The following CDC20B variants were observed in gnomAD, a reference collection of about 807,000 sequenced individuals.
CDC20B encodes the protein cell division cycle protein 20 homolog B.
A neutral mutation model predicts 64.1 loss-of-function variants in CDC20B; 58 were observed. The observed-to-expected ratio is 0.90, with a 90% CI of 0.73 to 1.13. The LOEUF is 1.13. Among genes scored for constraint, CDC20B ranks in the 50% most tolerant of loss-of-function variants. The pLI, the probability that CDC20B is intolerant of heterozygous loss-of-function variation, is 0.00. For missense variants in CDC20B, 597 were observed against 633.0 expected (o/e 0.94, Z 0.61); for synonymous variants, 243 against 230.6 (o/e 1.05, Z -0.49).
chr5:55,160,339 C>A, intron 2 of CDC20B: 1 of 1,613,676 alleles, frequency 6.2e-7, no homozygotes, highest in South Asian at 1.1e-5. Flanking sequence ...GCTTTTATGC[C>A]TTTGAAGTGA....
At chr5:55,165,338 G>C (rs1744324903) in intron 2 of CDC20B, 1 of 152,124 alleles carries the variant, frequency 6.6e-6, no homozygotes, top group African/African-American at 2.4e-5. Context: ...AGTTGGTGAA[G>C]GTTAATTATT....
rs1020614114 is a variant in CDC20B at position 55,172,702 on chromosome 5, A to G, written c.64-52T>C. 4 of 1,413,490 alleles carry G rather than the reference A, an allele frequency of 2.8e-6. No individual in the cohort carries two copies. In the African/African-American group the frequency reaches 5.7e-5, roughly 20 times the overall value. The allele number at this position is 1,413,490 out of a possible 1,614,324, so 87.6% of individuals were successfully genotyped here. A position where few individuals can be genotyped will look rare whatever the true frequency, so the allele number is the denominator to read the frequency against. ...GGGAGAAACTATTTAGGAAAATCAT[A>G]ATTTCAGGTGTGGAATTTTTCTAGA... is the stretch of plus-strand genomic sequence containing the variant. On this transcript the variant is annotated intron_variant, in intron 1 of 11. Coordinates refer to ENST00000381375, the MANE Select transcript of CDC20B (RefSeq NM_001170402.1).
At chr5:55,136,798 T>C (rs1743187313) in intron 5 of CDC20B, 1 of 152,068 alleles carries the variant, frequency 6.6e-6, no homozygotes, top group Non-Finnish European at 1.5e-5. Context: ...CCCAAACAAT[T>C]ATTTTCCAGC....
At chr5:55,117,900 A>C (rs1000079331) in intron 11 of CDC20B, among the ~76,000 whole-genome samples, 3 of 152,156 alleles carry the variant, frequency 2.0e-5, no homozygotes, top group Non-Finnish European at 4.4e-5. Flanking sequence ...GGATCACCTA[A>C]GGTCAGGAGT....
Position 55,172,982 on chromosome 5 carries a change from G to T in CDC20B, c.19C>A (p.Arg7Ser), listed in dbSNP as rs781108418. Residue 7 changes from arginine to serine, a missense_variant, in exon 1 of 12, where the codon CGC becomes AGC. Physicochemically the swap from Arg to Ser is moderately radical, Grantham distance 110. Coordinates refer to ENST00000381375, the MANE Select transcript of CDC20B (RefSeq NM_001170402.1). The stretch of plus-strand genomic sequence containing the variant: ...GTGCGGACCCTCCGAGGCGCGGTGC[G>T]CTCCAGTTTCCACTCCATCTCCGGC... MEWKLE[R>S]TAPRRVRTEE... 2 of 1,611,706 alleles carry T rather than the reference G, an allele frequency of 1.2e-6. No homozygotes were observed. The highest frequency in any genetic ancestry group is 2.2e-5 in the East Asian group (1 of 44,782).
At chr5:55,128,201 G>C (rs369497492) in intron 7 of CDC20B, among the ~76,000 whole-genome samples, 2 of 141,734 alleles carry the variant, frequency 1.4e-5, no homozygotes, top group African/African-American at 5.3e-5. Context: ...AAATATGACA[G>C]AAAGATTGTG....
chr5:55,120,593 G>A (rs760867018), intron 9 of CDC20B, 43 bp from the exon 10 acceptor site: 1 of 1,606,182 alleles, frequency 6.2e-7, no homozygotes, highest in Non-Finnish European at 8.5e-7. Flanking sequence ...CAGCTTCAAA[G>A]GAGGTGCACT....
chr5:55,129,570 A>C (rs1203938571), intron 6 of CDC20B, among the ~76,000 whole-genome samples: 2 of 152,228 alleles, frequency 1.3e-5, no homozygotes, highest in East Asian at 3.8e-4. Context: ...GGGAAAGCCA[A>C]AAGAAAGAGA....
At chr5:55,125,791 A>C (rs527766524) in intron 8 of CDC20B, among the ~76,000 whole-genome samples, 1 of 152,370 alleles carries the variant, frequency 6.6e-6, no homozygotes, top group East Asian at 1.9e-4. Flanking sequence ...TGCAATGCTG[A>C]ACAGCATTGT....
chr5:55,160,502 T>C, intron 2 of CDC20B: 1 of 789,956 alleles, frequency 1.3e-6, no homozygotes, highest in South Asian at 1.8e-5. Flanking sequence ...AGTTGGAATT[T>C]AGTCTTCAGA....
chr5:55,163,359 A>C (rs1744193216), intron 2 of CDC20B, among the ~76,000 whole-genome samples: 1 of 151,978 alleles, frequency 6.6e-6, no homozygotes, highest in South Asian at 2.1e-4. Context: ...CTGCCAAAAA[A>C]AAAGTTATTG....
rs115117963 is a variant in CDC20B at position 55,148,888 on chromosome 5, C to A, written c.127-2032G>T. 4.3e-3 allele frequency among the ~76,000 whole-genome samples: 655 copies of A among 152,206 alleles called. 4 individuals carry two copies. Among genetic ancestry groups the A allele is most frequent in the African/African-American group, 0.015 (620 of 41,500 alleles). On this transcript the variant is annotated intron_variant, in intron 2 of 11. Coordinates refer to ENST00000381375, the MANE Select transcript of CDC20B (RefSeq NM_001170402.1). The stretch of plus-strand genomic sequence containing the variant: ...CATTTTATCAGTGAAGAAACTGAGG[C>A]TTAGAGGTCAAGTGAATTGTCCAAG...
chr5:55,150,218 T>C (rs1030536251), intron 2 of CDC20B, among the ~76,000 whole-genome samples: 3 of 152,202 alleles, frequency 2.0e-5, no homozygotes, highest in African/African-American at 7.2e-5. Context: ...TTAAAAATGG[T>C]AACATAGGAT....
rs137978597 is a variant in CDC20B, at chr5:55,115,104, C to T, written c.1460-786G>A. On this transcript the variant is annotated intron_variant, in intron 11 of 11. Coordinates refer to ENST00000381375, the MANE Select transcript of CDC20B (RefSeq NM_001170402.1). ...GGGCCCCAGGTTTCAATAAACTAAT[C>T]AGATAAACTGAAGCAGCTTAATGAA... 2.2e-3 allele frequency among the ~76,000 whole-genome samples: 332 copies of T among 152,260 alleles called. 3 individuals are homozygous for T. The highest frequency in any genetic ancestry group is 7.6e-3 in the African/African-American group (314 of 41,550).
Position 55,172,638 on chromosome 5 carries a change from G to A in CDC20B, c.76C>T (p.Arg26Cys). Residue 26 changes from arginine to cysteine, a missense_variant, in exon 2 of 12, where the codon CGT becomes TGT. Transcript: ENST00000381375. ...TGCTTCAAGTCTTTGGAGAGCACAC[G>A]CATGATACTTTCCTTTGAAAACACA... is the stretch of plus-strand genomic sequence containing the variant. ...EEEMLWESIM[R>C]VLSKDLKQKR... 1.2e-6 allele frequency: 2 copies of A among 1,611,194 alleles called. No homozygotes were observed. Among genetic ancestry groups the A allele is most frequent in the Admixed American group, 1.7e-5 (1 of 59,998 alleles).
intron 2 of CDC20B, among the ~76,000 whole-genome samples, chr5:55,162,327 A>G (rs1462648060): frequency 1.3e-5 from 2 of 152,178 alleles, no homozygotes; most frequent in Non-Finnish European, 2.9e-5. Flanking sequence ...ACCCAGAGGC[A>G]GAGGTTGCAG....
intron 5 of CDC20B, chr5:55,137,391 A>G (rs1743209274): frequency 2.8e-6 from 1 of 360,878 alleles, no homozygotes; most frequent in Non-Finnish European, 5.5e-6. Context: ...GTAAGGTTTC[A>G]GAGTCATTAG....
In CDC20B at chr5:55,172,589, T is replaced by A. The variant is rs1349761179; in HGVS notation, c.125A>T (p.Asn42Ile). The part of the protein sequence containing the change: ...LKQKRSQDSA[N>I]VLDSVNATYS... ...AACAAGAACAAGCCCTGGACTCACG[T>A]TGGCGGAATCTTGACTTCTCTTCTG... The change falls in exon 2 of 12, where the codon AAC becomes ATC. Residue 42 changes from asparagine to isoleucine, a missense_variant and splice_region_variant. Asn to Ile is a moderately radical substitution (Grantham distance 149). Around this residue, in one of 3 missense-constraint regions of CDC20B, gnomAD observed 241 missense variants for 219.2 expected, o/e 1.10. Transcript: ENST00000381375. 2 of 1,611,592 alleles carry A rather than the reference T, an allele frequency of 1.2e-6. No individual in the cohort carries two copies. The highest frequency in any genetic ancestry group is 1.7e-6 in the Non-Finnish European group (2 of 1,177,746).
chr5:55,114,596 A>G lies in CDC20B; in HGVS notation c.1460-278T>C, dbSNP rs916397491. 2.0e-5 allele frequency among the ~76,000 whole-genome samples: 3 copies of G among 152,100 alleles called. No homozygotes were observed. The highest frequency in any genetic ancestry group is 7.2e-5 in the African/African-American group (3 of 41,422). On this transcript the variant is annotated intron_variant, in intron 11 of 11. Transcript: ENST00000381375. The surrounding 1 kb of genome is among the most constrained non-coding windows in gnomAD (Gnocchi z 4.1). ...CATTGGGTGGCTTAAAACAACAGAA[A>G]TTGATTCTCACAGTTCTGGAGATGG...
Sources: allele counts gnomAD v4.1 joint callset (sites outside exome capture counted in the v4.1 genomes callset), GRCh38; gene constraint gnomAD v4.1.1; regional missense constraint gnomAD v4.1.1; non-coding constraint Gnocchi (gnomAD v3.1); transcripts MANE v1.5; gene names NCBI Gene and HGNC (gene_info 2026-07-23, HGNC 2026-07-21).